KLHDC4: variants seen among roughly 807,000 people sequenced by gnomAD.
KLHDC4 encodes the protein kelch domain-containing protein 4.
In KLHDC4, 90 loss-of-function variants were observed where a neutral mutation model predicts 62.4. The observed-to-expected ratio is 1.44, with a 90% CI of 1.22 to 1.72. The LOEUF (loss-of-function observed/expected upper bound fraction) is 1.72. Among genes scored for constraint, KLHDC4 ranks in the 40% most tolerant of loss-of-function variants. KLHDC4 has a pLI of 0.00. For missense variants in KLHDC4, 1,025 were observed against 699.7 expected (o/e 1.47, Z -5.25); for synonymous variants, 386 against 284.4 (o/e 1.36, Z -3.59).
chr16:87,740,218 G>C (rs941355884), intron 5 of KLHDC4, among the ~76,000 whole-genome samples: 1 of 152,202 alleles, frequency 6.6e-6, no homozygotes, highest in Non-Finnish European at 1.5e-5. Flanking sequence ...AAGCCAGCAA[G>C]CTCAGCCGGC....
At chr16:87,733,223 G>C (rs571965403) in intron 5 of KLHDC4, among the ~76,000 whole-genome samples, 2 of 152,382 alleles carry the variant, frequency 1.3e-5, no homozygotes, top group Admixed American at 1.3e-4. Context: ...GTGGTTCTCA[G>C]TGGTTTTCTT....
chr16:87,729,929 A>G (rs1460199731), intron 6 of KLHDC4, among the ~76,000 whole-genome samples: 1 of 152,202 alleles, frequency 6.6e-6, no homozygotes, highest in Non-Finnish European at 1.5e-5. Context: ...AACCAGGCTA[A>G]GGTTTGAGAA....
At chr16:87,705,348 C>A (rs557225789), downstream of KLHDC4, among the ~76,000 whole-genome samples, 51 of 152,374 alleles carry the variant, frequency 3.3e-4, no homozygotes, top group African/African-American at 1.2e-3. Context: ...AATCCACCAC[C>A]CTGTGTTGTG....
At chr16:87,719,068 G>A (rs6540071) in intron 7 of KLHDC4, among the ~76,000 whole-genome samples, 21,792 of 151,258 alleles carry the variant, frequency 0.14, 1,971 homozygotes, top group African/African-American at 0.26. Context: ...GCCCCCGCCC[G>A]GCCAGCCGCC....
intron 7 of KLHDC4, among the ~76,000 whole-genome samples, chr16:87,716,804 C>G (rs1023265349): frequency 9.2e-5 from 14 of 152,094 alleles, no homozygotes; most frequent in African/African-American, 3.1e-4. Context: ...CAGTGGCAGG[C>G]GCCTGTAGTC....
At position 87,716,334 on chromosome 16, in the gene KLHDC4, T is replaced by C. The variant is rs182134615; in HGVS notation, c.760-1761A>G. Among the ~76,000 whole-genome samples the C allele has an allele frequency of 1.6e-4, 25 of 152,256 alleles. No individual in the cohort carries two copies. In the East Asian group the frequency reaches 3.9e-3, roughly 24 times the overall value. ...GGTACACGCTATGGTCTTGTGGATA[T>C]TGACGTAGACTCTGGGTACGCGCTA... On this transcript the variant is annotated intron_variant, in intron 7 of 11. Transcript: ENST00000270583.
At chr16:87,757,053 G>T (rs931853280) in intron 2 of KLHDC4, among the ~76,000 whole-genome samples, 3 of 151,980 alleles carry the variant, frequency 2.0e-5, no homozygotes, top group Non-Finnish European at 4.4e-5. Flanking sequence ...GACCTCAAGT[G>T]ATCTGCCCAC....
rs142394660 is a variant in KLHDC4 at position 87,730,581 on chromosome 16, G to T, written c.570C>A (p.Ile190=). The T allele has an allele frequency of 7.0e-5, 113 of 1,612,950 alleles. No individual in the cohort carries two copies. Among genetic ancestry groups the T allele is most frequent in the African/African-American group, 6.8e-4 (51 of 74,956 alleles). ...TACTTTCATGGAAGCCACCAAACAG[G>T]ATCAATTGTCTCTTCCAGGCCACCA... ...HRMVAWKRQL[I]LFGGFHESTR... is the part of the protein sequence containing the mutation. The change falls in exon 6 of 12, where the codon ATC becomes ATA. Residue 190 remains isoleucine (I), a synonymous_variant. Transcript: ENST00000270583.
chr16:87,711,614 C>G (rs1253913053), intron 8 of KLHDC4, among the ~76,000 whole-genome samples, 171 bp from the exon 9 acceptor site: 2 of 152,210 alleles, frequency 1.3e-5, no homozygotes, highest in Non-Finnish European at 2.9e-5. Flanking sequence ...CATTCAACTC[C>G]CCTCGAGTTC....
At chr16:87,734,012 G>C (rs1369708607) in intron 5 of KLHDC4, among the ~76,000 whole-genome samples, 1 of 152,126 alleles carries the variant, frequency 6.6e-6, no homozygotes, top group Non-Finnish European at 1.5e-5. Context: ...CCCACTTACA[G>C]GGTTTTATGT....
intron 6 of KLHDC4, 31 bp from the exon 7 acceptor site, chr16:87,726,955 C>T (rs755040547): frequency 2.2e-5 from 35 of 1,609,148 alleles, no homozygotes; most frequent in Middle Eastern, 1.6e-4. Context: ...TGTCAGGGTC[C>T]GTAACATTGG....
At chr16:87,751,439 A>G (rs1241669903) in intron 4 of KLHDC4, among the ~76,000 whole-genome samples, 1 of 151,378 alleles carries the variant, frequency 6.6e-6, no homozygotes, top group Non-Finnish European at 1.5e-5. Flanking sequence ...GCACCACTGC[A>G]CTCCAGCCCG....
At chr16:87,760,406 G>C (rs1454258691) in intron 2 of KLHDC4, among the ~76,000 whole-genome samples, 1 of 150,630 alleles carries the variant, frequency 6.6e-6, no homozygotes, top group Non-Finnish European at 1.5e-5. Flanking sequence ...AGAAGATCAA[G>C]ACCATCCTGG....
At chr16:87,735,865 A>G (rs1013209138) in intron 5 of KLHDC4, among the ~76,000 whole-genome samples, 1 of 152,238 alleles carries the variant, frequency 6.6e-6, no homozygotes, top group Admixed American at 6.5e-5. Flanking sequence ...GCTGCCAGGC[A>G]GTGTCACCAC....
exon 1 of KLHDC4, chr16:87,702,149 T>G: frequency 2.2e-6 from 1 of 455,338 alleles, no homozygotes; most frequent in Non-Finnish European, 4.4e-6. Flanking sequence ...GACCGGGAGA[T>G]TCCAGCAGAT....
chr16:87,750,665 G>C (rs1045718843), intron 4 of KLHDC4, among the ~76,000 whole-genome samples: 1 of 152,208 alleles, frequency 6.6e-6, no homozygotes, highest in Non-Finnish European at 1.5e-5. Flanking sequence ...GTGGTCCTCA[G>C]CAGGCTCCCT....
At chr16:87,764,641 T>G (rs1262661838) in intron 1 of KLHDC4, among the ~76,000 whole-genome samples, 2 of 55,844 alleles carry the variant, frequency 3.6e-5, no homozygotes, top group African/African-American at 8.2e-5. Flanking sequence ...AGAGTGAAAC[T>G]CCTTCAAAAA....
chr16:87,744,580 CAGA>C lies in KLHDC4; in HGVS notation c.506+4090_506+4092del, dbSNP rs1238393070. 3.7e-4 allele frequency among the ~76,000 whole-genome samples: 51 copies of C among 137,044 alleles called. 1 individual carries two copies. Among genetic ancestry groups the C allele is most frequent in the Middle Eastern group, 3.7e-3 (1 of 268 alleles). The allele number at this position is 137,044 out of a possible 152,430, so 89.9% of individuals were successfully genotyped here. A position where few individuals can be genotyped will look rare whatever the true frequency, so the allele number is the denominator to read the frequency against. On this transcript the variant is annotated intron_variant, in intron 5 of 11. Transcript: ENST00000270583. ...CCTGGGCAACAGAGCTAGACTGTCT[CAGA>C]AAAAAAAAAAAAATAGAATTTGAAA... is the stretch of plus-strand genomic sequence containing the variant.
exon 1 of KLHDC4, chr16:87,700,800 G>C (rs1477734275): frequency 4.9e-6 from 1 of 204,864 alleles, no homozygotes; most frequent in East Asian, 1.9e-4. Context: ...GGAGGGCAGA[G>C]GGGAGGAGGT....
Sources: gnomAD v4.1 joint callset for allele counts (sites outside exome capture counted in the v4.1 genomes callset) on GRCh38, gnomAD v4.1.1 for gene constraint, MANE v1.5 for transcripts, NCBI Gene and HGNC (gene_info 2026-07-23, HGNC 2026-07-21) for gene names.